The following STPG2 variants were observed in gnomAD, a reference collection of about 807,000 sequenced individuals.
STPG2 encodes the protein sperm tail PG-rich repeat containing 2, also known as sperm-tail PG-rich repeat-containing protein 2.
Under a neutral mutation model 54.2 loss-of-function variants are expected in STPG2, and 56 were observed. The ratio of observed to expected loss-of-function variants is 1.03; its 90% CI spans 0.83 to 1.29. The LOEUF (loss-of-function observed/expected upper bound fraction) is 1.29. STPG2 is among the 50% of genes most tolerant of loss of function. The probability of loss-of-function intolerance (pLI) is 0.00; values close to 1 mark genes in which losing one functional copy is unlikely to be tolerated. For synonymous variants in STPG2, 200 were observed against 181.8 expected (o/e 1.10, Z -0.81); for missense variants, 596 against 544.9 (o/e 1.09, Z -0.93).
chr4:97,616,050 ACATATAAATATATATATATATATATAT>A (rs1733856738), intron 10 of STPG2, among the ~76,000 whole-genome samples: 1 of 80,646 alleles, frequency 1.2e-5, no homozygotes, highest in African/African-American at 5.1e-5. Flanking sequence ...AAAAAAAAAT[ACATATAAATATATATATATATATATAT>A]ATATATATAT....
chr4:98,021,766 A>G (rs924292847), intron 5 of STPG2, among the ~76,000 whole-genome samples: 3 of 152,012 alleles, frequency 2.0e-5, no homozygotes, highest in African/African-American at 7.2e-5. Flanking sequence ...CTTTACCATT[A>G]TGTAATGGCC....
chr4:97,463,482 T>G (rs1365604505), intron 4 of STPG2: 2 of 152,264 alleles, frequency 1.3e-5, no homozygotes, highest in Admixed American at 1.3e-4. Context: ...GGAGTTTCAC[T>G]CTTGTCACTT....
chr4:97,847,348 A>T (rs902233537), intron 8 of STPG2, among the ~76,000 whole-genome samples: 3 of 152,142 alleles, frequency 2.0e-5, no homozygotes. Context: ...TACATGACTT[A>T]GAAAGGAATG....
chr4:97,938,396 A>C (rs533777405), intron 8 of STPG2, among the ~76,000 whole-genome samples: 8 of 152,250 alleles, frequency 5.3e-5, no homozygotes, highest in Middle Eastern at 3.4e-3. Flanking sequence ...TGCAGTGATA[A>C]TGGCTATCCC....
intron 10 of STPG2, among the ~76,000 whole-genome samples, chr4:97,600,971 T>G (rs1398545987): frequency 6.6e-6 from 1 of 151,920 alleles, no homozygotes; most frequent in Non-Finnish European, 1.5e-5. Flanking sequence ...CCTAGCAAAG[T>G]GAGGATGACT....
intron 5 of STPG2, among the ~76,000 whole-genome samples, chr4:98,015,527 G>A (rs77868535): frequency 0.39 from 59,947 of 151,896 alleles, 12,052 homozygotes; most frequent in Middle Eastern, 0.46. Context: ...CATGCCAGTT[G>A]GAATGGCAAT....
chr4:97,696,176 A>C (rs1723566598), intron 10 of STPG2, among the ~76,000 whole-genome samples: 2 of 152,162 alleles, frequency 1.3e-5, no homozygotes, highest in South Asian at 4.1e-4. Context: ...GCACATAGAC[A>C]AATGAAACAT....
chr4:97,455,210 G>T (rs763370094), intron 4 of STPG2, among the ~76,000 whole-genome samples: 6 of 152,156 alleles, frequency 3.9e-5, no homozygotes, highest in Non-Finnish European at 7.3e-5. Flanking sequence ...CATTGATACA[G>T]GAGTGGGGCA....
intron 10 of STPG2, among the ~76,000 whole-genome samples, chr4:97,600,055 A>T (rs1385280601): frequency 6.6e-6 from 1 of 152,048 alleles, no homozygotes; most frequent in Non-Finnish European, 1.5e-5. Context: ...CATGGACACA[A>T]AGGGAAAAAC....
At chr4:97,970,584 T>C (rs1355961651) in intron 7 of STPG2, among the ~76,000 whole-genome samples, 2 of 152,190 alleles carry the variant, frequency 1.3e-5, no homozygotes, top group Non-Finnish European at 2.9e-5. Context: ...TAATAAATGA[T>C]GTTGGGAAAA....
chr4:97,798,028 G>A (rs1179050226), intron 9 of STPG2, among the ~76,000 whole-genome samples: 1 of 152,122 alleles, frequency 6.6e-6, no homozygotes, highest in Non-Finnish European at 1.5e-5. Context: ...GGGATCAGTG[G>A]TGATATCCTC....
chr4:97,919,666 T>C (rs1179451353), intron 8 of STPG2, among the ~76,000 whole-genome samples: 1 of 152,120 alleles, frequency 6.6e-6, no homozygotes, highest in Non-Finnish European at 1.5e-5. Flanking sequence ...AATATTTTTT[T>C]CAAAAACCTT....
chr4:97,575,601 G>A (rs1732703459), intron 10 of STPG2, among the ~76,000 whole-genome samples: 1 of 151,694 alleles, frequency 6.6e-6, no homozygotes, highest in Non-Finnish European at 1.5e-5. Context: ...CACAACAAAT[G>A]GGACATCAAA....
intron 1 of STPG2, among the ~76,000 whole-genome samples, chr4:98,134,915 T>G: frequency 6.6e-6 from 1 of 151,930 alleles, no homozygotes; most frequent in African/African-American, 2.4e-5. Context: ...ATTGGTCATG[T>G]CTCCTTGCCT....
At chr4:97,593,831 A>G (rs560835913) in intron 10 of STPG2, among the ~76,000 whole-genome samples, 46 of 152,120 alleles carry the variant, frequency 3.0e-4, no homozygotes, top group African/African-American at 1.1e-3. Context: ...GAGGGGCCAG[A>G]GAACAAAACC....
At chr4:97,995,611 C>T (rs547790701) in intron 5 of STPG2, among the ~76,000 whole-genome samples, 1 of 152,142 alleles carries the variant, frequency 6.6e-6, no homozygotes, top group Admixed American at 6.5e-5. Flanking sequence ...CTAGCACACC[C>T]TGAGTAGATG....
chr4:97,846,354 T>C (rs6852699), intron 8 of STPG2, among the ~76,000 whole-genome samples: 88,539 of 151,762 alleles, frequency 0.58, 26,383 homozygotes, highest in East Asian at 0.74. Context: ...CCACTGGGTG[T>C]GGTGGCTCAT....
intron 5 of STPG2, among the ~76,000 whole-genome samples, chr4:98,063,615 A>C (rs1418528588): frequency 6.6e-6 from 1 of 152,208 alleles, no homozygotes; most frequent in Non-Finnish European, 1.5e-5. Context: ...TGTTTAAAGC[A>C]GGAAAAAGAA....
intron 10 of STPG2, among the ~76,000 whole-genome samples, chr4:97,581,377 G>GT (rs1732860328): frequency 1.3e-5 from 2 of 152,038 alleles, no homozygotes; most frequent in Admixed American, 1.3e-4. Context: ...TAGCCAACTA[G>GT]TTTTAGGAAA....
Sources: gnomAD v4.1 joint callset for allele counts (sites outside exome capture counted in the v4.1 genomes callset) on GRCh38, gnomAD v4.1.1 for gene constraint, MANE v1.5 for transcripts, NCBI Gene and HGNC (gene_info 2026-07-23, HGNC 2026-07-21) for gene names.